The following NECAB3 variants were observed in gnomAD, a reference collection of about 807,000 sequenced individuals.
NECAB3 encodes the protein N-terminal EF-hand calcium-binding protein 3.
Under a neutral mutation model 57.2 loss-of-function variants are expected in NECAB3, and 38 were observed. That is an observed-to-expected ratio of 0.66 (90% confidence interval 0.51 to 0.87). The LOEUF (loss-of-function observed/expected upper bound fraction) is 0.87. NECAB3 is among the 40% of genes least tolerant of loss of function. The pLI is 0.00. For synonymous variants in NECAB3, 223 were observed against 222.6 expected (o/e 1.00, Z -0.02); for missense variants, 474 against 527.5 (o/e 0.90, Z 0.99).
At chr20:33,667,163 C>T (rs2017681232) in intron 5 of NECAB3, 2 of 235,072 alleles carry the variant, frequency 8.5e-6, no homozygotes, top group South Asian at 1.7e-4. Flanking sequence ...GACCAGGGCT[C>T]GGGCTTCACC....
At chr20:33,669,879 G>A (rs1051309346) in intron 3 of NECAB3, among the ~76,000 whole-genome samples, 167 bp from the exon 4 acceptor site, 16 of 152,192 alleles carry the variant, frequency 1.1e-4, no homozygotes, top group African/African-American at 3.4e-4. Context: ...TTGCAGGGTT[G>A]GAGAATGGGT....
At chr20:33,669,806 G>T in intron 3 of NECAB3, 94 bp from the exon 4 acceptor site, 1 of 1,392,684 alleles carries the variant, frequency 7.2e-7, no homozygotes, top group Non-Finnish European at 9.7e-7. Context: ...CCAACTCCCA[G>T]CTTAGCCTAA....
rs760338918 is a variant in NECAB3, at chr20:33,663,575, T to C, written c.388-3180A>G. The C allele has an allele frequency of 2.5e-6, 4 of 1,611,398 alleles. No individual in the cohort carries two copies. The South Asian group carries it at 3.3e-5, about 13-fold the overall frequency. On this transcript the variant is annotated intron_variant, in intron 5 of 11. Transcript: ENST00000246190. ...CTCCCCCTGGACAAGCGGCAGCCGC[T>C]GGCCAACGCTGGGCAACGGATTGAC...
At chr20:33,664,130 A>C in intron 5 of NECAB3, 5 of 443,224 alleles carry the variant, frequency 1.1e-5, no homozygotes, top group Non-Finnish European at 2.0e-5. Context: ...CCTTCCCCCA[A>C]CACTCCAAAT....
intron 1 of NECAB3, among the ~76,000 whole-genome samples, 154 bp downstream of exon 1, chr20:33,674,070 G>T (rs1279796972): frequency 6.6e-6 from 1 of 152,214 alleles, no homozygotes; most frequent in Non-Finnish European, 1.5e-5. Context: ...GACAGAACAG[G>T]TCACACAAGG....
intron 5 of NECAB3, chr20:33,668,312 C>T: frequency 6.6e-7 from 1 of 1,513,902 alleles, no homozygotes; most frequent in Non-Finnish European, 8.9e-7. Context: ...TTGGAGCTGG[C>T]AGGGTCCTCC....
intron 9 of NECAB3, 22 bp from the exon 10 acceptor site, chr20:33,658,576 C>CCAA (rs772191269): frequency 3.1e-6 from 5 of 1,613,418 alleles, no homozygotes; most frequent in Non-Finnish European, 4.2e-6. Flanking sequence ...AAGAGATGGG[C>CCAA]AGGCCAGGCC....
intron 5 of NECAB3, chr20:33,664,462 GC>G: frequency 1.1e-5 from 2 of 188,436 alleles, no homozygotes; most frequent in Admixed American, 5.0e-5. Flanking sequence ...AAGCATTCAG[GC>G]CCCCCAGTCT....
At chr20:33,673,676 G>C (rs1189797547) in intron 1 of NECAB3, among the ~76,000 whole-genome samples, 1 of 152,150 alleles carries the variant, frequency 6.6e-6, no homozygotes, top group African/African-American at 2.4e-5. Context: ...GGGCATGAGG[G>C]GGCCAGGACA....
At chr20:33,673,971 C>T (rs1051143816) in intron 1 of NECAB3, among the ~76,000 whole-genome samples, 1 of 151,882 alleles carries the variant, frequency 6.6e-6, no homozygotes, top group African/African-American at 2.4e-5. Context: ...AGCCCCCCGC[C>T]AACACCAGAC....
rs1445351012 is a variant in NECAB3, at chr20:33,669,682, C to T, written c.289+5G>A. On this transcript the variant is annotated splice_donor_5th_base_variant and intron_variant, in intron 4 of 11. Transcript: ENST00000246190. ...GGAGAAAAGAGCTCCCATGGGCCTA[C>T]TCACCACACAGTTTTTCTGTTTCTA... The T allele has an allele frequency of 1.3e-6, 2 of 1,595,336 alleles. No individual in the cohort carries two copies. Among genetic ancestry groups the T allele is most frequent in the Non-Finnish European group, 1.7e-6 (2 of 1,170,630 alleles).
At chr20:33,662,396 C>T in intron 5 of NECAB3, 1 of 1,551,564 alleles carries the variant, frequency 6.4e-7, no homozygotes, top group African/African-American at 1.4e-5. Context: ...AGCAGGCCCG[C>T]AAGGAGAGGC....
Position 33,669,372 on chromosome 20 carries a change from C to A in NECAB3, c.387+3G>T. The A allele has an allele frequency of 6.2e-7, 1 of 1,613,482 alleles. No individual in the cohort carries two copies. The highest frequency in any genetic ancestry group is 8.5e-7 in the Non-Finnish European group (1 of 1,179,968). On this transcript the variant is annotated splice_donor_region_variant and intron_variant, in intron 5 of 11. Coordinates refer to ENST00000246190, the MANE Select transcript of NECAB3 (RefSeq NM_031232.4). The stretch of plus-strand genomic sequence containing the variant: ...ATCCCCCACCATCAGCCACTCCACT[C>A]ACCAGCTTGGTGGCATCCATGGCAG...
intron 1 of NECAB3, among the ~76,000 whole-genome samples, chr20:33,673,184 G>A (rs539758226): frequency 6.6e-6 from 1 of 152,176 alleles, no homozygotes; most frequent in Non-Finnish European, 1.5e-5. Flanking sequence ...CTCTCTTAGT[G>A]ACCTGCTCCC....
intron 1 of NECAB3, among the ~76,000 whole-genome samples, chr20:33,672,730 T>C (rs961385111): frequency 6.6e-6 from 1 of 152,194 alleles, no homozygotes; most frequent in Non-Finnish European, 1.5e-5. Flanking sequence ...GCCCAAGTTC[T>C]ATCTGATACA....
intron 1 of NECAB3, among the ~76,000 whole-genome samples, chr20:33,673,989 TGGGGTGGGCTGA>T: frequency 6.7e-6 from 1 of 148,352 alleles, no homozygotes; most frequent in African/African-American, 2.5e-5. Flanking sequence ...GACACACAAA[TGGGGTGGGCTGA>T]GGGGTGGGAG....
Position 33,659,382 on chromosome 20 carries a change from G to A in NECAB3, c.879+115C>T. The A allele has an allele frequency of 3.4e-6, 3 of 884,604 alleles. 1 individual carries two copies. The highest frequency in any genetic ancestry group is 2.3e-5 in the South Asian group (1 of 44,356). 54.8% of individuals were successfully genotyped at this position (884,604 alleles called of 1,614,324 possible). ...CCCGGCACCTGCTTGCCAGGCCTGG[G>A]GGCGGGGCACATGCGCACTGCAGAG... On this transcript the variant is annotated intron_variant, in intron 8 of 11. Coordinates refer to ENST00000246190, the MANE Select transcript of NECAB3 (RefSeq NM_031232.4).
chr20:33,659,853 C>T (rs768056628), intron 7 of NECAB3, 32 bp downstream of exon 7: 40 of 1,538,306 alleles, frequency 2.6e-5, no homozygotes, highest in South Asian at 1.2e-4. Flanking sequence ...GTGCCTGCCT[C>T]GGCCAGGCCT....
intron 5 of NECAB3, chr20:33,663,932 G>T (rs1018362837): frequency 1.5e-5 from 20 of 1,320,286 alleles, no homozygotes; most frequent in Non-Finnish European, 1.8e-5. Context: ...GAACCCTGTC[G>T]GAGGCGTCTG....
Sources: gnomAD v4.1 joint callset for allele counts (sites outside exome capture counted in the v4.1 genomes callset) on GRCh38, gnomAD v4.1.1 for gene constraint, MANE v1.5 for transcripts, NCBI Gene and HGNC (gene_info 2026-07-23, HGNC 2026-07-21) for gene names.